Variants in AHI1 observed in about 807,000 individuals in gnomAD.
The protein encoded by AHI1 is jouberin.
AHI1 carries 123 observed loss-of-function variants against 149.3 expected under a neutral mutation model. The observed-to-expected ratio is 0.82, with a 90% CI of 0.71 to 0.96. The LOEUF is 0.96. Ranked by LOEUF, AHI1 falls within the 40% of genes least tolerant of loss-of-function variation. The pLI is 0.00. For missense variants in AHI1, 1,439 were observed against 1,422.7 expected, an observed-to-expected ratio of 1.01 and a Z score of -0.18; for synonymous variants, 475 against 459.8, an observed-to-expected ratio of 1.03 and a Z score of -0.42.
intron 27 of AHI1, among the ~76,000 whole-genome samples, chr6:135,296,686 T>C (rs956776569): frequency 6.6e-6 from 1 of 152,190 alleles, no homozygotes; most frequent in Admixed American, 6.5e-5. Context: ...TCTCCTTTCC[T>C]TTCCCCTACC....
intron 23 of AHI1, 158 bp downstream of exon 23, chr6:135,394,618 C>G: frequency 9.8e-7 from 1 of 1,024,112 alleles, no homozygotes; most frequent in Non-Finnish European, 1.4e-6. Flanking sequence ...TTGAAATAAC[C>G]TTGGTGATTT....
chr6:135,361,175 T>G lies in AHI1; in HGVS notation c.3110-2988A>C, dbSNP rs79503774. ...ACTGTACTATACCTTGAATTAGGAT[T>G]TCTTCTACTTCAAGAATAATATAAG... On this transcript the variant is annotated intron_variant, in intron 23 of 28. Transcript: ENST00000265602. Among the ~76,000 whole-genome samples the G allele has an allele frequency of 1.2e-4, 19 of 152,340 alleles. No individual in the cohort carries two copies. The East Asian group carries it at 3.7e-3, about 29-fold the overall frequency.
intron 23 of AHI1, among the ~76,000 whole-genome samples, chr6:135,379,154 CATA>C (rs1358263578): frequency 5.3e-5 from 8 of 152,116 alleles, no homozygotes; most frequent in Non-Finnish European, 8.8e-5. Flanking sequence ...TCAGAAATGC[CATA>C]ATATCTTGTA....
At chr6:135,409,886 C>T (rs1052331182) in intron 21 of AHI1, among the ~76,000 whole-genome samples, 4 of 152,160 alleles carry the variant, frequency 2.6e-5, no homozygotes, top group Non-Finnish European at 5.9e-5. Flanking sequence ...TATCTCTTTT[C>T]ACACATGCTG....
chr6:135,487,165 T>G (rs1318359338), intron 5 of AHI1, among the ~76,000 whole-genome samples: 1 of 152,194 alleles, frequency 6.6e-6, no homozygotes, highest in African/African-American at 2.4e-5. Flanking sequence ...TACTTAAATT[T>G]CTTATTTCAT....
chr6:135,390,512 G>A (rs187548083), intron 23 of AHI1, among the ~76,000 whole-genome samples: 83 of 152,280 alleles, frequency 5.5e-4, no homozygotes, highest in Non-Finnish European at 8.5e-4. Context: ...GCAGGACAAC[G>A]AATGAAGGAG....
chr6:135,455,786 G>C lies in AHI1; in HGVS notation c.1292C>G (p.Pro431Arg). 6.2e-7 allele frequency: 1 copy of C among 1,602,738 alleles called. No homozygotes were observed. Among genetic ancestry groups the C allele is most frequent in the African/African-American group, 1.3e-5 (1 of 74,772 alleles). Residue 431 changes from proline to arginine, a missense_variant, in exon 10 of 29, where the codon CCC (proline) becomes CGC (arginine). Physicochemically the swap from Pro to Arg is moderately radical, Grantham distance 103. Transcript: ENST00000265602. ...CTCATCAGAGCCTCGAAGCAAATAG[G>C]GAAAATTTTCATTAAATACAATTTG... is the stretch of plus-strand genomic sequence containing the variant. ...EEQIVFNENF[P>R]YLLRGSDESP...
Position 135,427,175 on chromosome 6 carries a change from T to G in AHI1, c.2756A>C (p.Asp919Ala). ...TCAAGTGGTAGACTTACCATGGAAA[T>G]CGTAAATATACAGAAGAATTGGCTC... ...QNEPILLYIY[D>A]FHVAQQEAEM... The change falls in exon 20 of 29, where the codon GAT (aspartate) becomes GCT (alanine). Residue 919 changes from aspartate (D) to alanine (A), a missense_variant. By Grantham distance (126) the Asp-to-Ala change is moderately radical. Transcript: ENST00000265602. The G allele has an allele frequency of 6.2e-7, 1 of 1,609,548 alleles. No individual in the cohort carries two copies. Among genetic ancestry groups the G allele is most frequent in the Non-Finnish European group, 8.5e-7 (1 of 1,177,134 alleles).
intron 23 of AHI1, among the ~76,000 whole-genome samples, chr6:135,365,339 C>T (rs992512460): frequency 2.6e-5 from 4 of 152,032 alleles, no homozygotes; most frequent in South Asian, 2.1e-4. Context: ...TCTAGTTCTG[C>T]GAAAAATGAT....
chr6:135,405,440 G>C (rs368105429), intron 21 of AHI1, among the ~76,000 whole-genome samples: 1 of 152,028 alleles, frequency 6.6e-6, no homozygotes, highest in Non-Finnish European at 1.5e-5. Flanking sequence ...TATTGAAAGA[G>C]CTACAGAAAG....
intron 13 of AHI1, among the ~76,000 whole-genome samples, chr6:135,445,395 G>A (rs1787010478): frequency 6.6e-6 from 1 of 152,090 alleles, no homozygotes; most frequent in Non-Finnish European, 1.5e-5. Flanking sequence ...AATCTAGTAA[G>A]AACACTTTAG....
In AHI1 at chr6:135,453,356, G is replaced by C. The variant is rs749317327; in HGVS notation, c.1425C>G (p.Ala475=). 13 of 1,560,344 alleles carry C rather than the reference G, an allele frequency of 8.3e-6. No homozygotes were observed. The highest frequency in any genetic ancestry group is 1.1e-5 in the Non-Finnish European group (13 of 1,150,922). The change falls in exon 11 of 29, where the codon GCC becomes GCG. Residue 475 remains alanine, a synonymous_variant. Coordinates refer to ENST00000265602, the MANE Select transcript of AHI1 (RefSeq NM_001134831.2). ...AAAAACATACCTTAAGAAATGCCCAGGCAATTTTCCGAAAGCCACATTCTT... is the reference window on the plus strand; with the variant it reads ...AAAAACATACCTTAAGAAATGCCCACGCAATTTTCCGAAAGCCACATTCTT... ...QNQECGFRKI[A]WAFLKLLGAN...
intron 24 of AHI1, among the ~76,000 whole-genome samples, chr6:135,352,187 A>G (rs1440758958): frequency 1.3e-5 from 2 of 152,166 alleles, no homozygotes; most frequent in African/African-American, 2.4e-5. Flanking sequence ...AATCCTTTTA[A>G]AACATTACTC....
intron 5 of AHI1, among the ~76,000 whole-genome samples, chr6:135,481,881 T>G (rs1048386286): frequency 6.6e-6 from 1 of 151,270 alleles, no homozygotes; most frequent in African/African-American, 2.4e-5. Flanking sequence ...ACAATTTTTT[T>G]TTCATTCAGT....
intron 24 of AHI1, among the ~76,000 whole-genome samples, chr6:135,347,341 C>T (rs1791389177): frequency 6.6e-6 from 1 of 152,162 alleles, no homozygotes; most frequent in Non-Finnish European, 1.5e-5. Flanking sequence ...ATGTTAACTG[C>T]TGTTAATACT....
chr6:135,419,329 T>C (rs1782823214), intron 20 of AHI1, among the ~76,000 whole-genome samples: 1 of 152,068 alleles, frequency 6.6e-6, no homozygotes, highest in South Asian at 2.1e-4. Flanking sequence ...TTATCAATCA[T>C]CACACAGAAT....
chr6:135,430,540 A>T (rs1784504586), intron 17 of AHI1, among the ~76,000 whole-genome samples: 1 of 151,914 alleles, frequency 6.6e-6, no homozygotes. Flanking sequence ...ATATTATGAA[A>T]AATTGAAGAA....
intron 26 of AHI1, among the ~76,000 whole-genome samples, chr6:135,311,624 G>C (rs546084312): frequency 6.6e-6 from 1 of 150,570 alleles, no homozygotes; most frequent in East Asian, 1.9e-4. Context: ...GATCATAAAG[G>C]TTAATGCTTA....
chr6:135,404,902 G>A, intron 22 of AHI1, 49 bp downstream of exon 22: 3 of 1,548,570 alleles, frequency 1.9e-6, no homozygotes, highest in Admixed American at 1.7e-5. Context: ...GTTCTTTGGA[G>A]CATCACTATA....
Sources: gnomAD v4.1 joint callset for allele counts (sites outside exome capture counted in the v4.1 genomes callset) on GRCh38, gnomAD v4.1.1 for gene constraint, MANE v1.5 for transcripts, NCBI Gene and HGNC (gene_info 2026-07-23, HGNC 2026-07-21) for gene names.